Variants in SULF1 observed in about 807,000 individuals in gnomAD.
The protein encoded by SULF1 is sulfatase 1, also known as extracellular sulfatase Sulf-1.
Under a neutral mutation model 110.5 loss-of-function variants are expected in SULF1, and 46 were observed. The ratio of observed to expected loss-of-function variants is 0.42; its 90% confidence interval spans 0.33 to 0.53. SULF1 has a LOEUF of 0.53. Ranked by LOEUF, SULF1 falls within the 20% of genes least tolerant of loss-of-function variation. SULF1 has a pLI of 0.12. For synonymous variants in SULF1, 371 were observed against 387.1 expected (o/e 0.96, Z 0.49); for missense variants, 941 against 1,094.2 (o/e 0.86, Z 1.98).
At chr8:69,579,846 TAA>T (rs1805941277) in intron 6 of SULF1, among the ~76,000 whole-genome samples, 1 of 152,202 alleles carries the variant, frequency 6.6e-6, no homozygotes. Flanking sequence ...AGTCAATGTG[TAA>T]AGATTCTATT....
chr8:69,615,279 A>G (rs183928814), intron 13 of SULF1, among the ~76,000 whole-genome samples: 4 of 152,312 alleles, frequency 2.6e-5, no homozygotes, highest in Admixed American at 2.6e-4. Flanking sequence ...AATTCTCTTT[A>G]TCTGCTTCCC....
At chr8:69,651,051 C>CTTTTTTTTTTTTTTTTTTTTTTTTTT (rs111556401) in intron 22 of SULF1, among the ~76,000 whole-genome samples, 1 of 134,164 alleles carries the variant, frequency 7.5e-6, no homozygotes, top group African/African-American at 2.7e-5. Flanking sequence ...TCTTTTTTTT[C>CTTTTTTTTTTTTTTTTTTTTTTTTTT]TTTTCTTTTT....
chr8:69,601,714 G>C lies in SULF1; in HGVS notation c.946G>C (p.Asp316His), dbSNP rs764551548. 6.2e-7 allele frequency: 1 copy of C among 1,613,344 alleles called. No individual in the cohort carries two copies. Among genetic ancestry groups the C allele is most frequent in the East Asian group, 2.2e-5 (1 of 44,846 alleles). Residue 316 changes from aspartate (D) to histidine (H), a missense_variant, in exon 10 of 23, where the codon GAC (aspartate) becomes CAC (histidine). Around this residue, in one of 3 missense-constraint regions of SULF1, gnomAD observed 822 missense variants for 934.3 expected, o/e 0.88. Coordinates refer to ENST00000402687, the MANE Select transcript of SULF1 (RefSeq NM_001128205.2). ...GAATACTTACATCATTTACACCGCC[G>C]ACCATGGTTACCATATTGGGCAGTT... The part of the protein sequence containing the change: ...LENTYIIYTA[D>H]HGYHIGQFGL...
At chr8:69,532,137 A>G (rs970108889) in intron 3 of SULF1, among the ~76,000 whole-genome samples, 1 of 152,184 alleles carries the variant, frequency 6.6e-6, no homozygotes, top group African/African-American at 2.4e-5. Context: ...CTTCATGGCT[A>G]TTCTTCGTTA....
chr8:69,650,387 T>C (rs963534189), intron 22 of SULF1, among the ~76,000 whole-genome samples: 5 of 152,182 alleles, frequency 3.3e-5, no homozygotes, highest in Non-Finnish European at 7.4e-5. Flanking sequence ...ATCCCAGCAC[T>C]TTGGAAGGCT....
chr8:69,529,358 G>A (rs766427767), intron 3 of SULF1, among the ~76,000 whole-genome samples: 10 of 152,238 alleles, frequency 6.6e-5, no homozygotes, highest in South Asian at 2.1e-4. Flanking sequence ...AATCATCAAC[G>A]GTTAGCACTA....
At chr8:69,658,024 T>C (rs1430803340) in intron 22 of SULF1, among the ~76,000 whole-genome samples, 1 of 152,222 alleles carries the variant, frequency 6.6e-6, no homozygotes, top group Non-Finnish European at 1.5e-5. Context: ...TGTTAGGGAA[T>C]ATAAAATAAA....
rs144405938 is a variant in SULF1 at position 69,534,094 on chromosome 8, G to A, written c.-133-29445G>A. Among the ~76,000 whole-genome samples, 359 of 152,262 alleles carry A rather than the reference G, an allele frequency of 2.4e-3. 3 individuals are homozygous for A. Among genetic ancestry groups the A allele is most frequent in the African/African-American group, 6.9e-3 (286 of 41,556 alleles). The stretch of plus-strand genomic sequence containing the variant: ...TGGTTTGGGAAAATATTTTGCTAAT[G>A]ACTTCATTGAGAGTAACATAATGGA... On this transcript the variant is annotated intron_variant, in intron 3 of 22. Coordinates refer to ENST00000402687, the MANE Select transcript of SULF1 (RefSeq NM_001128205.2).
intron 22 of SULF1, among the ~76,000 whole-genome samples, chr8:69,648,624 C>T (rs1236394685): frequency 6.6e-6 from 1 of 152,170 alleles, no homozygotes; most frequent in Non-Finnish European, 1.5e-5. Flanking sequence ...ACTTTCAGGA[C>T]ATTGCACTTG....
rs780342735 is a variant in SULF1 at position 69,638,469 on chromosome 8, T to G, written c.2285-33T>G. ...CCTGCCTAAGGTTTTTCACTCTTTT[T>G]GTTTTGTTGTGTTTTTCTTTTTTAC... On this transcript the variant is annotated intron_variant, in intron 19 of 22. Transcript: ENST00000402687. 8.1e-6 allele frequency: 13 copies of G among 1,602,144 alleles called. 1 individual carries two copies. Among genetic ancestry groups the G allele is most frequent in the Non-Finnish European group, 8.5e-6 (10 of 1,177,336 alleles).
chr8:69,503,590 C>G (rs1176672596), intron 3 of SULF1, among the ~76,000 whole-genome samples: 3 of 152,174 alleles, frequency 2.0e-5, no homozygotes, highest in African/African-American at 7.2e-5. Context: ...TTGTGAAACT[C>G]TAGCCTGATG....
chr8:69,542,784 C>T (rs185110427), intron 3 of SULF1, among the ~76,000 whole-genome samples: 3 of 151,978 alleles, frequency 2.0e-5, no homozygotes, highest in Non-Finnish European at 2.9e-5. Flanking sequence ...TTGGGAGAAG[C>T]GTGATAGAAA....
chr8:69,625,542 G>A (rs1311582124), intron 15 of SULF1, among the ~76,000 whole-genome samples: 2 of 152,170 alleles, frequency 1.3e-5, no homozygotes, highest in African/African-American at 2.4e-5. Flanking sequence ...TGGTGGGTTC[G>A]TGGTCTCGCT....
chr8:69,471,995 A>AAG (rs565992830), intron 1 of SULF1, among the ~76,000 whole-genome samples: 11 of 124,976 alleles, frequency 8.8e-5, no homozygotes, highest in South Asian at 4.7e-4. Context: ...AAGGGAGAGA[A>AAG]AGTGAGAGAG....
rs3087714 is a variant in SULF1, at chr8:69,660,769, G to A, written c.*2234G>A. On this transcript the variant is annotated 3_prime_UTR_variant, in exon 23 of 23. Transcript: ENST00000402687. Reference sequence around the variant, plus strand: ...ACATATTTATGATCATGAATAATGTGCTTTGTAAAAAGATTTCAAGTTATT... The same window carrying A: ...ACATATTTATGATCATGAATAATGTACTTTGTAAAAAGATTTCAAGTTATT... The A allele has an allele frequency of 0.3, 45,568 of 152,348 alleles. 7,136 individuals carry two copies. Among genetic ancestry groups the A allele is most frequent in the Admixed American group, 0.41 (6,247 of 15,258 alleles). The allele number at this position is 152,348 out of a possible 1,614,324, so 9.4% of individuals were successfully genotyped here.
intron 22 of SULF1, among the ~76,000 whole-genome samples, chr8:69,641,565 T>G (rs1260009951): frequency 2.0e-5 from 3 of 151,718 alleles, no homozygotes; most frequent in Non-Finnish European, 2.9e-5. Flanking sequence ...GGCAACAAAG[T>G]GAGATAAAAA....
chr8:69,557,062 G>T (rs554446082), intron 3 of SULF1, among the ~76,000 whole-genome samples: 21 of 152,162 alleles, frequency 1.4e-4, no homozygotes, highest in Non-Finnish European at 2.4e-4. Flanking sequence ...GAGGATAATG[G>T]CTTCCAAGTT....
intron 3 of SULF1, chr8:69,563,189 A>G (rs1035069062): frequency 6.6e-6 from 1 of 152,442 alleles, no homozygotes; most frequent in Non-Finnish European, 1.5e-5. Context: ...TCTGCTCCCC[A>G]CATGCAAACA....
intron 18 of SULF1, among the ~76,000 whole-genome samples, chr8:69,628,567 G>T (rs534668545): frequency 6.8e-4 from 104 of 152,280 alleles, no homozygotes; most frequent in Non-Finnish European, 1.9e-4. Context: ...AGACTCTCTC[G>T]ATGCAGTTGG....
Sources: allele counts gnomAD v4.1 joint callset (sites outside exome capture counted in the v4.1 genomes callset), GRCh38; gene constraint gnomAD v4.1.1; regional missense constraint gnomAD v4.1.1; transcripts MANE v1.5; gene names NCBI Gene and HGNC (gene_info 2026-07-23, HGNC 2026-07-21).